The following MAPKAP1 variants were observed in gnomAD, a reference collection of about 807,000 sequenced individuals.
MAPKAP1 encodes MAPK associated protein 1.
MAPKAP1 carries 20 observed loss-of-function variants against 65.7 expected under a neutral mutation model. That is an observed-to-expected ratio of 0.30 (90% confidence interval 0.21 to 0.44). The LOEUF (loss-of-function observed/expected upper bound fraction) is 0.44. MAPKAP1 is among the 20% of genes least tolerant of loss of function. The pLI, the probability that MAPKAP1 is intolerant of heterozygous loss-of-function variation, is 1.00. For missense variants in MAPKAP1, 423 were observed against 648.0 expected (o/e 0.65, Z 3.77); for synonymous variants, 222 against 244.3 (o/e 0.91, Z 0.85).
intron 4 of MAPKAP1, among the ~76,000 whole-genome samples, chr9:125,626,639 T>C (rs1209074743): frequency 2.0e-5 from 3 of 152,218 alleles, no homozygotes; most frequent in Non-Finnish European, 2.9e-5. Context: ...TCCGTCATCA[T>C]AGAAAGTTCT....
At chr9:125,490,464 G>A (rs1219531148) in intron 8 of MAPKAP1, among the ~76,000 whole-genome samples, 9 of 151,894 alleles carry the variant, frequency 5.9e-5, no homozygotes, top group Admixed American at 3.3e-4. Flanking sequence ...GCTTACACCC[G>A]GGAGGCAGAG....
chr9:125,608,227 T>G (rs188153703), intron 4 of MAPKAP1, among the ~76,000 whole-genome samples: 274 of 152,356 alleles, frequency 1.8e-3, no homozygotes, highest in Non-Finnish European at 3.1e-3. Context: ...GTGTTCCCAT[T>G]ATGTTACAGT....
chr9:125,529,165 ACT>A (rs1411406737), intron 7 of MAPKAP1, among the ~76,000 whole-genome samples: 3 of 147,464 alleles, frequency 2.0e-5, no homozygotes, highest in Middle Eastern at 3.2e-3. Flanking sequence ...AATGAGTGAA[ACT>A]CTATCTCAGG....
At chr9:125,507,708 TTAAACCTTTGTAAG>T in intron 7 of MAPKAP1, among the ~76,000 whole-genome samples, 1 of 152,236 alleles carries the variant, frequency 6.6e-6, no homozygotes, top group Non-Finnish European at 1.5e-5. Flanking sequence ...AATAAAGCTT[TTAAACCTTTGTAAG>T]TAAACAAATG....
At chr9:125,537,875 G>GACC (rs1024045606) in intron 7 of MAPKAP1, among the ~76,000 whole-genome samples, 36 of 152,112 alleles carry the variant, frequency 2.4e-4, no homozygotes, top group African/African-American at 8.0e-4. Context: ...GTATTATGGA[G>GACC]ACTGACCCTG....
At chr9:125,655,569 T>C (rs963375652) in intron 4 of MAPKAP1, among the ~76,000 whole-genome samples, 1 of 152,250 alleles carries the variant, frequency 6.6e-6, no homozygotes, top group Non-Finnish European at 1.5e-5. Flanking sequence ...TATATCATAT[T>C]GACGCATTTC....
chr9:125,663,791 C>T (rs1483242388), intron 3 of MAPKAP1, among the ~76,000 whole-genome samples: 2 of 152,104 alleles, frequency 1.3e-5, no homozygotes, highest in Admixed American at 6.6e-5. Context: ...ATCAGGCAGA[C>T]TATACTTCTT....
chr9:125,612,142 A>G (rs1564582108), intron 4 of MAPKAP1, among the ~76,000 whole-genome samples: 1 of 152,190 alleles, frequency 6.6e-6, no homozygotes, highest in Non-Finnish European at 1.5e-5. Context: ...TTTTTGATAC[A>G]TGAGTTACTT....
Position 125,693,426 on chromosome 9 carries a change from AATATAT to A in MAPKAP1, c.-70+13539_-70+13544del, listed in dbSNP as rs1554844322. On this transcript the variant is annotated intron_variant, in intron 1 of 11. Coordinates refer to ENST00000265960, the MANE Select transcript of MAPKAP1 (RefSeq NM_001006617.3). ...CGAAATTCCGCCTCAAAAAAAAAAA[AATATAT>A]ATATATATATACACACACACACACA... Among the ~76,000 whole-genome samples the A allele has an allele frequency of 6.1e-5, 8 of 131,318 alleles. No individual in the cohort carries two copies. The East Asian group carries it at 1.8e-3, about 29-fold the overall frequency. 86.1% of individuals were successfully genotyped at this position (131,318 alleles called of 152,430 possible).
chr9:125,543,966 G>A (rs867086318), intron 6 of MAPKAP1, among the ~76,000 whole-genome samples: 2 of 152,168 alleles, frequency 1.3e-5, no homozygotes, highest in Non-Finnish European at 2.9e-5. Flanking sequence ...AAGTAATTGA[G>A]AAGGAGGAAA....
intron 7 of MAPKAP1, among the ~76,000 whole-genome samples, chr9:125,533,639 C>T (rs1400679479): frequency 2.0e-5 from 3 of 152,076 alleles, no homozygotes; most frequent in Non-Finnish European, 4.4e-5. Flanking sequence ...TTAGTAGAGA[C>T]GAGGTTTTGC....
chr9:125,622,979 G>C (rs1832954610), intron 4 of MAPKAP1, among the ~76,000 whole-genome samples: 1 of 152,108 alleles, frequency 6.6e-6, no homozygotes, highest in Non-Finnish European at 1.5e-5. Context: ...ATTGGTTTTG[G>C]TGGAGACGGG....
At chr9:125,513,750 C>T (rs1431921052) in intron 7 of MAPKAP1, among the ~76,000 whole-genome samples, 4 of 152,204 alleles carry the variant, frequency 2.6e-5, no homozygotes, top group African/African-American at 9.7e-5. Flanking sequence ...TGAGTCACAA[C>T]AGGCTCACAG....
chr9:125,560,649 G>A (rs1372091015), intron 5 of MAPKAP1, among the ~76,000 whole-genome samples: 1 of 152,060 alleles, frequency 6.6e-6, no homozygotes, highest in Admixed American at 6.6e-5. Context: ...AATACTCAAG[G>A]TAACCAAGAC....
rs539901479 is a variant in MAPKAP1 at position 125,495,508 on chromosome 9, C to G, written c.1066+10802G>C. ...ATTGTAATTCAATTAATTACATACA[C>G]AGAGTCCCCAATTACATTTTCCAAT... On this transcript the variant is annotated intron_variant, in intron 8 of 11. Coordinates refer to ENST00000265960, the MANE Select transcript of MAPKAP1 (RefSeq NM_001006617.3). 3.9e-4 allele frequency among the ~76,000 whole-genome samples: 60 copies of G among 152,332 alleles called. 1 individual carries two copies. The South Asian group carries it at 0.012, about 31-fold the overall frequency.
At chr9:125,629,408 A>G (rs1054026862) in intron 4 of MAPKAP1, among the ~76,000 whole-genome samples, 1 of 152,262 alleles carries the variant, frequency 6.6e-6, no homozygotes, top group Non-Finnish European at 1.5e-5. Context: ...ACAATGGAAC[A>G]TTATTCAGCT....
chr9:125,698,278 A>G (rs1331703917), intron 1 of MAPKAP1, among the ~76,000 whole-genome samples: 1 of 26,596 alleles, frequency 3.8e-5, no homozygotes, highest in African/African-American at 2.6e-4. Flanking sequence ...TATAATACAT[A>G]ATATATATAA....
At chr9:125,701,395 GA>G (rs1406543764) in intron 1 of MAPKAP1, among the ~76,000 whole-genome samples, 1 of 152,074 alleles carries the variant, frequency 6.6e-6, no homozygotes, top group Non-Finnish European at 1.5e-5. Context: ...ATCCAAAAAG[GA>G]AAAAAGATCC....
chr9:125,602,201 C>A (rs1459193310), intron 4 of MAPKAP1, among the ~76,000 whole-genome samples: 1 of 152,084 alleles, frequency 6.6e-6, no homozygotes, highest in Non-Finnish European at 1.5e-5. Context: ...TACAATGAGC[C>A]GTGATCACAC....
Sources: gnomAD v4.1 joint callset for allele counts (sites outside exome capture counted in the v4.1 genomes callset) on GRCh38, gnomAD v4.1.1 for gene constraint, MANE v1.5 for transcripts, NCBI Gene and HGNC (gene_info 2026-07-23, HGNC 2026-07-21) for gene names.